Variants in LIN28B observed in about 807,000 individuals in gnomAD.
LIN28B encodes lin-28 RNA binding posttranscriptional regulator B.
In LIN28B, 5 loss-of-function variants were observed where a neutral mutation model predicts 21.9. That is an observed-to-expected ratio of 0.23 (90% CI 0.12 to 0.48). The LOEUF (loss-of-function observed/expected upper bound fraction) is 0.48. Ranked by LOEUF, LIN28B falls within the 20% of genes least tolerant of loss-of-function variation. The pLI, the probability that LIN28B is intolerant of heterozygous loss-of-function variation, is 0.98. For missense variants in LIN28B, 245 were observed against 310.5 expected, an observed-to-expected ratio of 0.79 and a Z score of 1.58; for synonymous variants, 109 against 111.3, an observed-to-expected ratio of 0.98 and a Z score of 0.13.
intron 2 of LIN28B, among the ~76,000 whole-genome samples, chr6:104,982,034 C>T (rs1197794627): frequency 6.6e-6 from 1 of 151,978 alleles, no homozygotes. Flanking sequence ...GGAATTAGGG[C>T]TTGGGCGCAG....
intron 3 of LIN28B, among the ~76,000 whole-genome samples, chr6:105,067,139 T>C (rs759945984): frequency 5.9e-5 from 9 of 152,206 alleles, no homozygotes; most frequent in Admixed American, 2.0e-4. Context: ...CATATTATAA[T>C]CTGATTCTTC....
intron 2 of LIN28B, among the ~76,000 whole-genome samples, chr6:104,975,627 G>T (rs1055469558): frequency 6.6e-6 from 1 of 151,962 alleles, no homozygotes; most frequent in East Asian, 1.9e-4. Context: ...CAGAGTGCTT[G>T]CATGTGCCAA....
intron 2 of LIN28B, among the ~76,000 whole-genome samples, chr6:104,984,493 T>C (rs1441115169): frequency 4.6e-5 from 7 of 151,920 alleles, no homozygotes; most frequent in African/African-American, 1.7e-4. Flanking sequence ...TCTCACTGTG[T>C]CACCCAGCCT....
At chr6:105,021,353 T>C (rs1771137704) in intron 2 of LIN28B, among the ~76,000 whole-genome samples, 1 of 152,218 alleles carries the variant, frequency 6.6e-6, no homozygotes, top group Non-Finnish European at 1.5e-5. Flanking sequence ...ATCTTTGATA[T>C]ATTGATTTCT....
intron 2 of LIN28B, among the ~76,000 whole-genome samples, chr6:104,991,395 C>T (rs552704615): frequency 6.0e-4 from 90 of 148,826 alleles, no homozygotes; most frequent in African/African-American, 2.0e-3. Flanking sequence ...CGGGCAGAGG[C>T]GCTCCTCACA....
intron 1 of LIN28B, 85 bp downstream of exon 1, chr6:104,957,345 T>TC (rs61701350): frequency 0.98 from 683,797 of 698,684 alleles, 334,906 homozygotes; most frequent in East Asian, 1. Flanking sequence ...TCTTAGACCG[T>TC]CCCCCCCTTC....
intron 3 of LIN28B, among the ~76,000 whole-genome samples, chr6:105,041,446 G>A (rs915551056): frequency 6.6e-5 from 10 of 151,676 alleles, no homozygotes; most frequent in African/African-American, 2.4e-4. Context: ...ATTTTTATAG[G>A]TACTATGGAT....
At chr6:105,074,422 TCTC>T in intron 3 of LIN28B, among the ~76,000 whole-genome samples, 1 of 152,080 alleles carries the variant, frequency 6.6e-6, no homozygotes, top group East Asian at 1.9e-4. Flanking sequence ...ATGGTCTCGA[TCTC>T]CTGACCTCGT....
chr6:105,010,549 C>G (rs923119707), intron 2 of LIN28B, among the ~76,000 whole-genome samples: 7 of 152,094 alleles, frequency 4.6e-5, no homozygotes, highest in Non-Finnish European at 8.8e-5. Flanking sequence ...ACAATACTAT[C>G]TAGTTTGTGC....
rs574614258 is a variant in LIN28B at position 104,977,453 on chromosome 6, C to T, written c.198+19167C>T. Among the ~76,000 whole-genome samples the T allele has an allele frequency of 2.0e-5, 3 of 152,058 alleles. No homozygotes were observed. The East Asian group carries it at 5.8e-4, about 29-fold the overall frequency. ...AAATAATGGGTCATTTATCATAGAC[C>T]GTCTTCTATTATTATTTTGTTTCCT... is the stretch of plus-strand genomic sequence containing the variant. On this transcript the variant is annotated intron_variant, in intron 2 of 3. Transcript: ENST00000345080.
chr6:105,043,980 T>C (rs1771693780), intron 3 of LIN28B, among the ~76,000 whole-genome samples: 1 of 152,208 alleles, frequency 6.6e-6, no homozygotes, highest in South Asian at 2.1e-4. Flanking sequence ...TAATAATAAC[T>C]ATATCCTCTA....
Position 105,081,018 on chromosome 6 carries a change from C to T in LIN28B, c.*2235C>T, listed in dbSNP as rs1582938878. ...TTTGAAATCCTTTTCATCATCTTAC[C>T]AGACTAAACTAAGAGCACATACCAA... On this transcript the variant is annotated 3_prime_UTR_variant, in exon 4 of 4. Coordinates refer to ENST00000345080, the MANE Select transcript of LIN28B (RefSeq NM_001004317.4). The T allele has an allele frequency of 6.6e-6, 1 of 152,598 alleles. No homozygotes were observed. The highest frequency in any genetic ancestry group is 1.9e-4 in the East Asian group (1 of 5,180). The allele number at this position is 152,598 out of a possible 1,614,324, so 9.5% of individuals were successfully genotyped here. A position where few individuals can be genotyped will look rare whatever the true frequency, so the allele number is the denominator to read the frequency against.
At chr6:105,013,444 A>G (rs1203234588) in intron 2 of LIN28B, among the ~76,000 whole-genome samples, 1 of 151,866 alleles carries the variant, frequency 6.6e-6, no homozygotes, top group Non-Finnish European at 1.5e-5. Context: ...TTTAAAAATC[A>G]AGTTACGTTC....
chr6:105,019,320 A>G (rs1247278579), intron 2 of LIN28B, among the ~76,000 whole-genome samples: 1 of 152,166 alleles, frequency 6.6e-6, no homozygotes, highest in Non-Finnish European at 1.5e-5. Flanking sequence ...AGGGATAGGA[A>G]TGATTTAAGG....
intron 2 of LIN28B, among the ~76,000 whole-genome samples, chr6:104,979,454 C>T (rs1419640168): frequency 6.6e-6 from 1 of 152,096 alleles, no homozygotes; most frequent in Non-Finnish European, 1.5e-5. Context: ...AGTCATCCAC[C>T]CGCCTTGGCC....
At chr6:105,055,015 TG>T (rs1234459868) in intron 3 of LIN28B, among the ~76,000 whole-genome samples, 1 of 152,206 alleles carries the variant, frequency 6.6e-6, no homozygotes, top group Non-Finnish European at 1.5e-5. Flanking sequence ...TCTGAGAGGA[TG>T]TTATATATAA....
intron 3 of LIN28B, among the ~76,000 whole-genome samples, chr6:105,053,376 T>G (rs550309477): frequency 9.4e-5 from 13 of 138,124 alleles, no homozygotes; most frequent in African/African-American, 3.6e-4. Flanking sequence ...CAAATCTATG[T>G]CTTATGGTGT....
At chr6:105,076,901 A>G (rs1303702061) in intron 3 of LIN28B, among the ~76,000 whole-genome samples, 5 of 151,008 alleles carry the variant, frequency 3.3e-5, no homozygotes, top group Non-Finnish European at 7.4e-5. Flanking sequence ...ACCGCCACCC[A>G]GCTAGTTAAA....
At chr6:105,028,261 T>C (rs1254602204) in intron 3 of LIN28B, among the ~76,000 whole-genome samples, 1 of 152,160 alleles carries the variant, frequency 6.6e-6, no homozygotes, top group Non-Finnish European at 1.5e-5. Context: ...TTGGATCTTG[T>C]CAACCATTTT....
Sources: allele counts gnomAD v4.1 joint callset (sites outside exome capture counted in the v4.1 genomes callset), GRCh38; gene constraint gnomAD v4.1.1; transcripts MANE v1.5; gene names NCBI Gene and HGNC (gene_info 2026-07-23, HGNC 2026-07-21).